Variants in TRPM3 observed in about 807,000 individuals in gnomAD.
TRPM3 encodes the protein long transient receptor potential channel 3.
In TRPM3, 77 loss-of-function variants were observed where a neutral mutation model predicts 181.2. The observed-to-expected ratio is 0.42, with a 90% CI of 0.35 to 0.51. The LOEUF (loss-of-function observed/expected upper bound fraction) is 0.51. Among genes scored for constraint, TRPM3 ranks in the 20% least tolerant of loss-of-function variants. TRPM3 has a pLI of 0.01. For missense variants in TRPM3, 1,759 were observed against 2,196.7 expected (o/e 0.80, Z 3.98); for synonymous variants, 745 against 796.4 (o/e 0.94, Z 1.09).
intron 1 of TRPM3, among the ~76,000 whole-genome samples, chr9:71,201,320 T>C (rs2078776713): frequency 6.6e-6 from 1 of 152,140 alleles, no homozygotes; most frequent in Admixed American, 6.5e-5. Context: ...TTTCCTTCAT[T>C]TCAACTTTGG....
chr9:70,901,131 T>C (rs1309261091), intron 1 of TRPM3, among the ~76,000 whole-genome samples: 2 of 152,078 alleles, frequency 1.3e-5, no homozygotes, highest in African/African-American at 4.8e-5. Context: ...AAAGAAACAA[T>C]GGGTGGGGAC....
At position 70,591,092 on chromosome 9, in the gene TRPM3, C is replaced by T; in HGVS notation, c.3162G>A (p.Lys1054=). The T allele has an allele frequency of 6.2e-7, 1 of 1,614,170 alleles. No homozygotes were observed. The highest frequency in any genetic ancestry group is 8.5e-7 in the Non-Finnish European group (1 of 1,180,030). The stretch of plus-strand genomic sequence containing the variant: ...TCCAATAGGGCATGTAGAAGATGTT[C>T]TTGGCCAGTTTCCATGATGGCTCCT... ...PNEEPSWKLA[K]NIFYMPYWMI... is the part of the protein sequence containing the mutation. Residue 1054 remains lysine, a synonymous_variant, in exon 22 of 26, where the codon AAG becomes AAA. Transcript: ENST00000677713.
chr9:71,444,704 G>A (rs1158826978), intron 1 of TRPM3, among the ~76,000 whole-genome samples: 1 of 152,122 alleles, frequency 6.6e-6, no homozygotes, highest in Non-Finnish European at 1.5e-5. Flanking sequence ...CCTCCTGTTT[G>A]CATAGATAAG....
chr9:71,306,368 T>C (rs926096143), intron 1 of TRPM3, among the ~76,000 whole-genome samples: 6 of 152,178 alleles, frequency 3.9e-5, no homozygotes, highest in Admixed American at 6.5e-5. Context: ...AAATGTGGCC[T>C]GGGTTGAATG....
At chr9:71,117,949 A>T (rs538045014) in intron 1 of TRPM3, among the ~76,000 whole-genome samples, 150 of 152,320 alleles carry the variant, frequency 9.8e-4, no homozygotes, top group Middle Eastern at 3.4e-3. Flanking sequence ...CGAATTCAAC[A>T]TGTTACCAAA....
At chr9:71,357,009 G>C (rs1337924030) in intron 1 of TRPM3, among the ~76,000 whole-genome samples, 2 of 152,160 alleles carry the variant, frequency 1.3e-5, no homozygotes, top group African/African-American at 4.8e-5. Context: ...CTCCTGTCAA[G>C]TCACGTGGTT....
chr9:71,251,384 A>C (rs1389275899), intron 1 of TRPM3, among the ~76,000 whole-genome samples: 1 of 152,158 alleles, frequency 6.6e-6, no homozygotes, highest in Non-Finnish European at 1.5e-5. Flanking sequence ...TCTTCTCTAC[A>C]AGACTAAATG....
At chr9:70,989,271 G>A (rs115030541) in intron 1 of TRPM3, among the ~76,000 whole-genome samples, 2,915 of 152,108 alleles carry the variant, frequency 0.019, 61 homozygotes, top group East Asian at 0.078. Flanking sequence ...AAGAAATGAC[G>A]GTTTTCATTT....
rs529906378 is a variant in TRPM3, at chr9:71,386,719, G to A, written c.183+59934C>T. On this transcript the variant is annotated intron_variant, in intron 1 of 24. Transcript: ENST00000357533. ...CACTAAACCAGTTATTATATAGTTGGCCTGTAGCTTAAGCCATGGATAAGG... is the reference window on the plus strand; with the variant it reads ...CACTAAACCAGTTATTATATAGTTGACCTGTAGCTTAAGCCATGGATAAGG... 3.9e-5 allele frequency among the ~76,000 whole-genome samples: 6 copies of A among 152,194 alleles called. No individual in the cohort carries two copies. The South Asian group carries it at 1.2e-3, about 32-fold the overall frequency.
chr9:70,978,975 A>C (rs973211369), intron 1 of TRPM3, among the ~76,000 whole-genome samples: 1 of 152,222 alleles, frequency 6.6e-6, no homozygotes, highest in Non-Finnish European at 1.5e-5. Flanking sequence ...AGGAAATCAG[A>C]AGATTGAGTG....
At chr9:71,001,579 G>T (rs1451923529) in intron 1 of TRPM3, among the ~76,000 whole-genome samples, 1 of 152,114 alleles carries the variant, frequency 6.6e-6, no homozygotes, top group Non-Finnish European at 1.5e-5. Context: ...AAAAAGCCAG[G>T]AACAACAGAG....
At chr9:71,034,657 TG>T (rs1452509958) in intron 1 of TRPM3, among the ~76,000 whole-genome samples, 3 of 152,040 alleles carry the variant, frequency 2.0e-5, no homozygotes, top group African/African-American at 7.2e-5. Flanking sequence ...TTCCCAATTC[TG>T]TGCTCAGTAA....
chr9:70,746,342 G>C (rs1399783478), intron 8 of TRPM3, among the ~76,000 whole-genome samples: 1 of 152,116 alleles, frequency 6.6e-6, no homozygotes, highest in Non-Finnish European at 1.5e-5. Flanking sequence ...AGTCTATTAA[G>C]GGGTAGGTAG....
At chr9:70,565,434 C>T (rs2050303330) in intron 22 of TRPM3, among the ~76,000 whole-genome samples, 1 of 152,110 alleles carries the variant, frequency 6.6e-6, no homozygotes, top group East Asian at 1.9e-4. Flanking sequence ...GCTGGGATTA[C>T]AGGCACAAGC....
chr9:71,117,744 T>C (rs1383045087), intron 1 of TRPM3, among the ~76,000 whole-genome samples: 1 of 152,170 alleles, frequency 6.6e-6, no homozygotes, highest in Admixed American at 6.5e-5. Flanking sequence ...TTTCTCAATA[T>C]AAAAATTTGA....
intron 1 of TRPM3, among the ~76,000 whole-genome samples, chr9:71,335,365 C>T (rs1469183376): frequency 1.3e-5 from 2 of 151,850 alleles, no homozygotes; most frequent in Non-Finnish European, 2.9e-5. Flanking sequence ...TATACAAAAC[C>T]AATATTAAGG....
intron 1 of TRPM3, among the ~76,000 whole-genome samples, chr9:71,147,424 G>GACAA (rs148160114): frequency 2.1e-5 from 3 of 144,930 alleles, no homozygotes; most frequent in Non-Finnish European, 4.5e-5. Context: ...GCAACACACA[G>GACAA]ACACACACAC....
At chr9:70,607,453 C>T (rs1427968268) in intron 19 of TRPM3, among the ~76,000 whole-genome samples, 1 of 152,236 alleles carries the variant, frequency 6.6e-6, no homozygotes, top group African/African-American at 2.4e-5. Context: ...CACAATTGAA[C>T]AGATCTGGGG....
At chr9:70,689,629 A>AT (rs1409726066) in intron 8 of TRPM3, among the ~76,000 whole-genome samples, 1 of 152,034 alleles carries the variant, frequency 6.6e-6, no homozygotes, top group Non-Finnish European at 1.5e-5. Context: ...ATGATAGGCT[A>AT]TTTTTTTGAG....
Sources: allele counts gnomAD v4.1 joint callset (sites outside exome capture counted in the v4.1 genomes callset), GRCh38; gene constraint gnomAD v4.1.1; transcripts MANE v1.5; gene names NCBI Gene and HGNC (gene_info 2026-07-23, HGNC 2026-07-21).